PCF11: variants seen among roughly 807,000 people sequenced by gnomAD.
PCF11 encodes PCF11 cleavage and polyadenylation factor subunit, also known as pre-mRNA cleavage complex 2 protein Pcf11.
PCF11 carries 19 observed loss-of-function variants against 166.1 expected under a neutral mutation model. That is an observed-to-expected ratio of 0.11 (90% CI 0.08 to 0.17). PCF11 has a LOEUF of 0.17. Ranked by LOEUF, PCF11 falls within the 10% of genes least tolerant of loss-of-function variation. PCF11 has a pLI of 1.00. For missense variants in PCF11, 1,565 were observed against 1,855.5 expected, an observed-to-expected ratio of 0.84 and a Z score of 2.88; for synonymous variants, 663 against 644.1, an observed-to-expected ratio of 1.03 and a Z score of -0.44.
intron 12 of PCF11, 47 bp from the exon 13 acceptor site, chr11:83,181,807 A>T: frequency 2.1e-6 from 3 of 1,420,972 alleles, no homozygotes; most frequent in Non-Finnish European, 2.8e-6. Flanking sequence ...CACAGTAAAA[A>T]TTTAGAAATA....
At chr11:83,163,053 G>A (rs935541838) in intron 2 of PCF11, among the ~76,000 whole-genome samples, 2 of 152,178 alleles carry the variant, frequency 1.3e-5, no homozygotes, top group Non-Finnish European at 2.9e-5. Context: ...TTACAGGCGT[G>A]AGCCACCGTG....
At chr11:83,173,007 GTTA>G (rs954310426) in intron 9 of PCF11, among the ~76,000 whole-genome samples, 1 of 152,158 alleles carries the variant, frequency 6.6e-6, no homozygotes, top group South Asian at 2.1e-4. Context: ...ATTAATATTT[GTTA>G]TTATTATTAT....
chr11:83,160,331 TTTTTTTTTTTTTGTC>T (rs1260920698), intron 1 of PCF11, among the ~76,000 whole-genome samples: 2 of 146,040 alleles, frequency 1.4e-5, no homozygotes, highest in Non-Finnish European at 3.0e-5. Context: ...GTTTTTTTTT[TTTTTTTTTTTTTGTC>T]TTTTTTTTTT....
chr11:83,164,279 A>G, exon 4 of PCF11: 1 of 1,613,620 alleles, frequency 6.2e-7, no homozygotes, highest in Non-Finnish European at 8.5e-7. Flanking sequence ...TGTTCCTGAT[A>G]TACAAAAGAA....
At chr11:83,178,426 A>T (rs941996399) in intron 11 of PCF11, among the ~76,000 whole-genome samples, 2 of 152,154 alleles carry the variant, frequency 1.3e-5, no homozygotes, top group African/African-American at 4.8e-5. Flanking sequence ...TCTGTGTATC[A>T]TCATTTTTTC....
chr11:83,173,719 CTTTTTTTTTTTTTTTTTTTT>C (rs869126679), intron 9 of PCF11, among the ~76,000 whole-genome samples: 13 of 59,060 alleles, frequency 2.2e-4, no homozygotes, highest in Admixed American at 2.2e-3. Flanking sequence ...TTCTTTCTTT[CTTTTTTTTTTTTTTTTTTTT>C]TTTTTTTTGA....
At chr11:83,173,719 CTTTTTTTTTTT>C (rs869126679) in intron 9 of PCF11, among the ~76,000 whole-genome samples, 51 of 59,074 alleles carry the variant, frequency 8.6e-4, no homozygotes, top group African/African-American at 2.8e-3. Flanking sequence ...TTCTTTCTTT[CTTTTTTTTTTT>C]TTTTTTTTTT....
chr11:83,162,346 G>C (rs1288254535), intron 2 of PCF11, among the ~76,000 whole-genome samples: 1 of 152,206 alleles, frequency 6.6e-6, no homozygotes, highest in Non-Finnish European at 1.5e-5. Context: ...TTCAGTATTA[G>C]ATTTTACATG....
In PCF11 at chr11:83,161,489, A is replaced by T. The variant is rs201439971; in HGVS notation, c.318+37A>T. 2.5e-3 allele frequency: 3,563 copies of T among 1,400,396 alleles called. 24 individuals carry two copies. The highest frequency in any genetic ancestry group is 0.017 in the South Asian group (1,281 of 73,612). The allele number at this position is 1,400,396 out of a possible 1,614,324, so 86.7% of individuals were successfully genotyped here. A position where few individuals can be genotyped will look rare whatever the true frequency, so the allele number is the denominator to read the frequency against. On this transcript the variant is annotated intron_variant, in intron 2 of 15. Transcript: ENST00000298281. ...TTTAGAAACATTTGCGTTTTTTTTT[A>T]AAAAATGTGTTCCTGATTAAATAAA...
intron 1 of PCF11, among the ~76,000 whole-genome samples, chr11:83,160,791 TC>T (rs1860218508): frequency 6.6e-6 from 1 of 152,188 alleles, no homozygotes. Flanking sequence ...GCCATTGACT[TC>T]CTAGGTGAAG....
intron 2 of PCF11, among the ~76,000 whole-genome samples, chr11:83,161,923 T>C (rs141019237): frequency 6.6e-6 from 1 of 152,350 alleles, no homozygotes. Context: ...TGGAAATGTT[T>C]ACTTTTGTTA....
rs758357146 is a variant in PCF11, at chr11:83,167,837, T to G, written c.2092+332T>G. 1 of 1,320,796 alleles carries G rather than the reference T, an allele frequency of 7.6e-7. No individual in the cohort carries two copies. The highest frequency in any genetic ancestry group is 9.9e-7 in the Non-Finnish European group (1 of 1,009,934). The allele number at this position is 1,320,796 out of a possible 1,614,324, so 81.8% of individuals were successfully genotyped here. A position where few individuals can be genotyped will look rare whatever the true frequency, so the allele number is the denominator to read the frequency against. Reference sequence around the variant, plus strand: ...CTCCTATATCTGGGAGTCGTACTTATGCTGAGAATCTTTCACCCCATGAGG... The same window carrying G: ...CTCCTATATCTGGGAGTCGTACTTAGGCTGAGAATCTTTCACCCCATGAGG... On this transcript the variant is annotated intron_variant, in intron 7 of 15. Coordinates refer to ENST00000298281, the Ensembl canonical transcript of PCF11. The surrounding 1 kb of genome is among the most constrained non-coding windows in gnomAD (Gnocchi z 4.2).
exon 5 of PCF11, chr11:83,166,585 A>G (rs376834164): frequency 3.1e-6 from 5 of 1,613,882 alleles, no homozygotes; most frequent in African/African-American, 2.7e-5. Flanking sequence ...AAGACTGAAG[A>G]GGAGCGACCA....
chr11:83,182,188 G>T (rs1009130991), intron 13 of PCF11, among the ~76,000 whole-genome samples, 179 bp downstream of exon 13: 2 of 152,112 alleles, frequency 1.3e-5, no homozygotes, highest in Non-Finnish European at 2.9e-5. Context: ...AACTACAGTG[G>T]CCAAAAGCAG....
At chr11:83,160,937 T>G (rs142069555) in intron 1 of PCF11, among the ~76,000 whole-genome samples, 200 of 152,334 alleles carry the variant, frequency 1.3e-3, no homozygotes, top group African/African-American at 4.5e-3. Context: ...AAAAACTGCT[T>G]TGAGTGTAGG....
At chr11:83,165,901 C>G in exon 5 of PCF11, 1 of 1,606,654 alleles carries the variant, frequency 6.2e-7, no homozygotes, top group Non-Finnish European at 8.5e-7. Flanking sequence ...ACTATACCCT[C>G]TGAAAAACTA....
rs1335164847 is a variant in PCF11, at chr11:83,164,503, G to C, written c.702+102G>C. ...TATTAACATGTTACTTTTATTAATA[G>C]TGTACTCTTTTTTCACTTTTATTTT... is the stretch of plus-strand genomic sequence containing the variant. On this transcript the variant is annotated intron_variant, in intron 4 of 15. Transcript: ENST00000298281. 4 of 788,292 alleles carry C rather than the reference G, an allele frequency of 5.1e-6. No individual in the cohort carries two copies. In the Admixed American group the frequency reaches 1.2e-4, roughly 23 times the overall value. 48.8% of individuals were successfully genotyped at this position (788,292 alleles called of 1,614,324 possible). A position where few individuals can be genotyped will look rare whatever the true frequency, so the allele number is the denominator to read the frequency against.
At position 83,171,974 on chromosome 11, in the gene PCF11, C is replaced by G. The variant is rs58063886; in HGVS notation, c.3757+60C>G. On this transcript the variant is annotated intron_variant, in intron 9 of 15. Transcript: ENST00000298281. ...AAATGATTATTGTTTTGTTGAATAG[C>G]TAACTTTGTGAATTTTAGGAAATGA... 0.02 allele frequency: 16,094 copies of G among 824,278 alleles called. 1,735 individuals are homozygous for G. The African/African-American group carries it at 0.24, about 12-fold the overall frequency. The allele number at this position is 824,278 out of a possible 1,614,324, so 51.1% of individuals were successfully genotyped here. A position where few individuals can be genotyped will look rare whatever the true frequency, so the allele number is the denominator to read the frequency against.
chr11:83,167,034 A>T lies in PCF11; in HGVS notation c.1818-91A>T. 1 of 1,053,204 alleles carries T rather than the reference A, an allele frequency of 9.5e-7. No homozygotes were observed. Among genetic ancestry groups the T allele is most frequent in the Non-Finnish European group, 1.4e-6 (1 of 717,800 alleles). The allele number at this position is 1,053,204 out of a possible 1,614,324, so 65.2% of individuals were successfully genotyped here. On this transcript the variant is annotated intron_variant, in intron 5 of 15. Transcript: ENST00000298281. This position sits in a 1 kb window ranked among gnomAD's most constrained non-coding sequence, Gnocchi z 4.2. ...TTTTGTGGTTACATATGCCCATTTT[A>T]ACCATATCCTTTGAAAAGAATCTTT... is the stretch of plus-strand genomic sequence containing the variant.
Sources: gnomAD v4.1 joint callset for allele counts (sites outside exome capture counted in the v4.1 genomes callset) on GRCh38, gnomAD v4.1.1 for gene constraint, Gnocchi (gnomAD v3.1) non-coding constraint, MANE v1.5 for transcripts, NCBI Gene and HGNC (gene_info 2026-07-23, HGNC 2026-07-21) for gene names.